AGO3: variants seen among roughly 807,000 people sequenced by gnomAD.
AGO3 encodes argonaute RISC catalytic component 3.
AGO3 carries 16 observed loss-of-function variants against 105.5 expected under a neutral mutation model. The observed-to-expected ratio is 0.15, with a 90% CI of 0.10 to 0.23. AGO3 has a LOEUF of 0.23. Ranked by LOEUF, AGO3 falls within the 10% of genes least tolerant of loss-of-function variation. The pLI is 1.00. For synonymous variants in AGO3, 340 were observed against 367.3 expected, an observed-to-expected ratio of 0.93 and a Z score of 0.85; for missense variants, 534 against 1,088.0, an observed-to-expected ratio of 0.49 and a Z score of 7.16.
Position 36,040,471 on chromosome 1 carries a change from T to C in AGO3, c.2172+30T>C, listed in dbSNP as rs775833714. On this transcript the variant is annotated intron_variant, in intron 16 of 18. Transcript: ENST00000373191. ...TCTCACCTCTGTTGTAATACTGTTA[T>C]AAACCAAGCTTATCCAACATAGTTC... 5.0e-6 allele frequency: 8 copies of C among 1,611,126 alleles called. No individual in the cohort carries two copies. The African/African-American group carries it at 6.7e-5, about 13-fold the overall frequency.
At chr1:35,937,447 C>T (rs376451826) in intron 1 of AGO3, among the ~76,000 whole-genome samples, 1 of 151,606 alleles carries the variant, frequency 6.6e-6, no homozygotes, top group Non-Finnish European at 1.5e-5. Flanking sequence ...AATCCCAGCA[C>T]TTTAGGAGGC....
chr1:36,017,125 A>G (rs141011655), intron 11 of AGO3, among the ~76,000 whole-genome samples: 45 of 152,298 alleles, frequency 3.0e-4, no homozygotes, highest in Admixed American at 2.0e-3. Flanking sequence ...AAGAGAGACC[A>G]TTTGACATCC....
chr1:36,018,846 G>A (rs1641059787), intron 11 of AGO3, among the ~76,000 whole-genome samples: 1 of 151,838 alleles, frequency 6.6e-6, no homozygotes, highest in African/African-American at 2.4e-5. Flanking sequence ...AAAATTGAGA[G>A]CCAAAAGCCT....
chr1:36,036,379 C>A, intron 14 of AGO3, 112 bp downstream of exon 14: 1 of 1,043,662 alleles, frequency 9.6e-7, no homozygotes, highest in Non-Finnish European at 1.4e-6. Flanking sequence ...CATAAATGTT[C>A]TTTGGGTTTT....
chr1:36,027,202 G>A lies in AGO3; in HGVS notation c.1495G>A (p.Ala499Thr), dbSNP rs778967053. The change falls in exon 12 of 19, where the codon GCA (alanine) becomes ACA (threonine). Residue 499 changes from alanine (A) to threonine (T), a missense_variant. Ala to Thr is a moderately conservative substitution (Grantham distance 58). Coordinates refer to ENST00000373191, the MANE Select transcript of AGO3 (RefSeq NM_024852.4). This position sits in a 1 kb window ranked among gnomAD's most constrained non-coding sequence, Gnocchi z 4.0. ...ATGCTTCTGCAAATATGCACAGGGG[G>A]CAGACAGCGTAGAGCCCATGTTCCG... The part of the protein sequence containing the change: ...QPCFCKYAQG[A>T]DSVEPMFRHL... 4 of 1,614,190 alleles carry A rather than the reference G, an allele frequency of 2.5e-6. No individual in the cohort carries two copies. The highest frequency in any genetic ancestry group is 1.1e-5 in the South Asian group (1 of 91,086).
chr1:36,046,793 G>A (rs1475009246), intron 17 of AGO3, among the ~76,000 whole-genome samples: 1 of 152,082 alleles, frequency 6.6e-6, no homozygotes, highest in African/African-American at 2.4e-5. Context: ...GGGAAACCAT[G>A]TCTGGGCCAC....
intron 6 of AGO3, among the ~76,000 whole-genome samples, chr1:36,007,767 A>G (rs892039855): frequency 2.6e-5 from 4 of 152,168 alleles, no homozygotes; most frequent in Admixed American, 1.3e-4. Flanking sequence ...GCTTAGTAAC[A>G]TGTTATTAGT....
intron 16 of AGO3, 66 bp from the exon 17 acceptor site, chr1:36,043,381 T>A (rs1642331945): frequency 7.7e-7 from 1 of 1,297,148 alleles, no homozygotes; most frequent in African/African-American, 1.5e-5. Context: ...ATACATTTTT[T>A]AAAGTGCTTT....
intron 3 of AGO3, among the ~76,000 whole-genome samples, chr1:35,971,425 C>CT (rs1294712335): frequency 6.6e-6 from 1 of 151,190 alleles, no homozygotes; most frequent in Non-Finnish European, 1.5e-5. Flanking sequence ...CCCCAAAGTG[C>CT]TGGGATTACA....
At chr1:35,956,864 T>C (rs1317343418) in intron 2 of AGO3, among the ~76,000 whole-genome samples, 1 of 151,414 alleles carries the variant, frequency 6.6e-6, no homozygotes, top group Admixed American at 6.6e-5. Flanking sequence ...CCCACGCTGG[T>C]CTCAAACTCC....
intron 14 of AGO3, 48 bp downstream of exon 14, chr1:36,036,315 C>A: frequency 6.5e-7 from 1 of 1,534,824 alleles, no homozygotes; most frequent in South Asian, 1.2e-5. Context: ...AGACCAGTAT[C>A]AATTTTGCAG....
intron 5 of AGO3, among the ~76,000 whole-genome samples, chr1:36,003,707 A>AAAAAAAAAAAAT: frequency 8.3e-6 from 1 of 120,254 alleles, no homozygotes; most frequent in South Asian, 3.3e-4. Flanking sequence ...AAAAAAAAAA[A>AAAAAAAAAAAAT]AAATATATAT....
intron 5 of AGO3, among the ~76,000 whole-genome samples, chr1:35,995,209 A>AAAAAAATATATATATAT (rs1237315557): frequency 2.6e-5 from 3 of 114,790 alleles, no homozygotes; most frequent in African/African-American, 1.1e-4. Context: ...TAAAAAAAAA[A>AAAAAAATATATATATAT]ATATATATAT....
At position 36,068,517 on chromosome 1, in the gene AGO3, A is replaced by G. The variant is rs1643122754; in HGVS notation, c.*12772A>G. 1 of 152,200 alleles carries G rather than the reference A, an allele frequency of 6.6e-6. No individual in the cohort carries two copies. 9.4% of individuals were successfully genotyped at this position (152,200 alleles called of 1,614,324 possible). On this transcript the variant is annotated 3_prime_UTR_variant, in exon 19 of 19. Coordinates refer to ENST00000373191, the MANE Select transcript of AGO3 (RefSeq NM_024852.4). ...CAATCTTTAAAATAAATAAATAAAT[A>G]AGAATTATTCTTGAAAGTAATATTC...
In AGO3 at chr1:36,037,301, C is replaced by T. The variant is rs1005082006; in HGVS notation, c.1842+1034C>T. 3.9e-5 allele frequency among the ~76,000 whole-genome samples: 6 copies of T among 152,178 alleles called. No individual in the cohort carries two copies. In the South Asian group the frequency reaches 8.3e-4, roughly 21 times the overall value. ...TTGGGAGGCTGAGGCGGGGGTGGAT[C>T]GCTTGACGTCAGGAGTTCAAGACCA... is the stretch of plus-strand genomic sequence containing the variant. On this transcript the variant is annotated intron_variant, in intron 14 of 18. Transcript: ENST00000373191.
chr1:36,014,853 G>T (rs1640820013), intron 11 of AGO3, among the ~76,000 whole-genome samples: 1 of 150,852 alleles, frequency 6.6e-6, no homozygotes. Flanking sequence ...CATTCTATTA[G>T]ACATCCTTAT....
intron 1 of AGO3, among the ~76,000 whole-genome samples, chr1:35,935,317 A>T (rs1056963702): frequency 6.6e-6 from 1 of 152,270 alleles, no homozygotes; most frequent in Non-Finnish European, 1.5e-5. Context: ...TTCAGTTAAC[A>T]TGAAGACATT....
At chr1:35,933,858 C>T (rs1646100389) in intron 1 of AGO3, among the ~76,000 whole-genome samples, 1 of 151,878 alleles carries the variant, frequency 6.6e-6, no homozygotes, top group Non-Finnish European at 1.5e-5. Flanking sequence ...ACACAGAAAA[C>T]TGTTAAATTT....
chr1:36,058,486 T>G lies in AGO3; in HGVS notation c.*2741T>G. 1 of 152,104 alleles carries G rather than the reference T, an allele frequency of 6.6e-6. No individual in the cohort carries two copies. Among genetic ancestry groups the G allele is most frequent in the Non-Finnish European group, 1.5e-5 (1 of 67,996 alleles). 9.4% of individuals were successfully genotyped at this position (152,104 alleles called of 1,614,324 possible). ...CAGAGTATAGATACTACAGATTGTT[T>G]CCAGTGGGCATTGTTGTTAGCCTTT... On this transcript the variant is annotated 3_prime_UTR_variant, in exon 19 of 19. Coordinates refer to ENST00000373191, the MANE Select transcript of AGO3 (RefSeq NM_024852.4).
Sources: gnomAD v4.1 joint callset for allele counts (sites outside exome capture counted in the v4.1 genomes callset) on GRCh38, gnomAD v4.1.1 for gene constraint, Gnocchi (gnomAD v3.1) non-coding constraint, MANE v1.5 for transcripts, NCBI Gene and HGNC (gene_info 2026-07-23, HGNC 2026-07-21) for gene names.